The following ARHGAP42 variants were observed in gnomAD, a reference collection of about 807,000 sequenced individuals.
The protein encoded by ARHGAP42 is Rho GTPase activating protein 42, also known as rho GTPase-activating protein 42.
In ARHGAP42, 63 loss-of-function variants were observed where a neutral mutation model predicts 125.0. The observed-to-expected ratio is 0.50, with a 90% CI of 0.41 to 0.62. ARHGAP42 has a LOEUF of 0.62. ARHGAP42 is among the 20% of genes least tolerant of loss of function. The pLI is 0.00. For synonymous variants in ARHGAP42, 339 were observed against 351.0 expected, an observed-to-expected ratio of 0.97 and a Z score of 0.38; for missense variants, 766 against 1,024.2, an observed-to-expected ratio of 0.75 and a Z score of 3.44.
chr11:100,703,460 T>A (rs929272102), intron 1 of ARHGAP42, among the ~76,000 whole-genome samples: 2 of 152,218 alleles, frequency 1.3e-5, no homozygotes, highest in African/African-American at 4.8e-5. Context: ...AAGATTTAAC[T>A]TTAACAGTTT....
chr11:100,844,078 A>G (rs1456210587), intron 3 of ARHGAP42, among the ~76,000 whole-genome samples: 4 of 152,186 alleles, frequency 2.6e-5, no homozygotes, highest in African/African-American at 9.6e-5. Context: ...CCAAAATAGC[A>G]TGGTACTGGT....
At chr11:100,774,612 G>A (rs187438450) in intron 2 of ARHGAP42, among the ~76,000 whole-genome samples, 1 of 152,324 alleles carries the variant, frequency 6.6e-6, no homozygotes, top group East Asian at 1.9e-4. Flanking sequence ...GTGTAAGTTG[G>A]TGGTGGGAAT....
intron 4 of ARHGAP42, among the ~76,000 whole-genome samples, chr11:100,869,121 TGATAAAGTGGGGTTCACAGGGG>T (rs1865641293): frequency 6.6e-6 from 1 of 152,020 alleles, no homozygotes; most frequent in Non-Finnish European, 1.5e-5. Flanking sequence ...TTTTGAATAT[TGATAAAGTGGGGTTCACAGGGG>T]TACCTAGCAA....
rs535696963 is a variant in ARHGAP42, at chr11:100,775,093, A to G, written c.250+4655A>G. Among the ~76,000 whole-genome samples the G allele has an allele frequency of 3.9e-5, 6 of 152,216 alleles. No individual in the cohort carries two copies. In the East Asian group the frequency reaches 1.2e-3, roughly 29 times the overall value. ...ATTGCCCTCCCTTCTCTAAGGATAA[A>G]TGAGCTGCAGGTGAGCTTTGGCCTG... On this transcript the variant is annotated intron_variant, in intron 2 of 23. Transcript: ENST00000298815.
intron 3 of ARHGAP42, among the ~76,000 whole-genome samples, chr11:100,831,220 A>G (rs1864656136): frequency 6.6e-6 from 1 of 152,130 alleles, no homozygotes; most frequent in African/African-American, 2.4e-5. Context: ...TGTGATGATT[A>G]TACAGAGGAG....
chr11:100,931,576 C>T (rs1159428658), intron 6 of ARHGAP42, among the ~76,000 whole-genome samples: 1 of 152,074 alleles, frequency 6.6e-6, no homozygotes, highest in African/African-American at 2.4e-5. Context: ...AAAGTAGCAC[C>T]TGCTTTGTAT....
chr11:100,738,120 A>AT (rs36030166), intron 1 of ARHGAP42, among the ~76,000 whole-genome samples: 1 of 152,132 alleles, frequency 6.6e-6, no homozygotes, highest in Non-Finnish European at 1.5e-5. Context: ...GTAAGAAATG[A>AT]TTTTTTTCTG....
At chr11:100,758,624 A>G (rs1862629266) in intron 1 of ARHGAP42, among the ~76,000 whole-genome samples, 1 of 152,192 alleles carries the variant, frequency 6.6e-6, no homozygotes, top group African/African-American at 2.4e-5. Flanking sequence ...AATAAGTAAC[A>G]TGTCTTTCCA....
At chr11:100,924,332 C>T (rs1430888159) in intron 6 of ARHGAP42, among the ~76,000 whole-genome samples, 1 of 152,006 alleles carries the variant, frequency 6.6e-6, no homozygotes, top group Non-Finnish European at 1.5e-5. Flanking sequence ...GATCTTACTG[C>T]TTGTCATAAA....
chr11:100,793,996 T>C (rs922690198), intron 2 of ARHGAP42, among the ~76,000 whole-genome samples: 14 of 141,480 alleles, frequency 9.9e-5, no homozygotes, highest in Non-Finnish European at 1.3e-4. Context: ...GGTGGGAAGA[T>C]TGCTTGAGCC....
chr11:100,924,504 TA>T (rs987142746), intron 6 of ARHGAP42, among the ~76,000 whole-genome samples: 24 of 151,782 alleles, frequency 1.6e-4, no homozygotes, highest in African/African-American at 4.8e-4. Flanking sequence ...CCGTCTCTAC[TA>T]AAAATACAAA....
chr11:100,959,862 C>T (rs766699937), intron 12 of ARHGAP42, 21 bp from the exon 13 acceptor site: 31 of 1,549,628 alleles, frequency 2.0e-5, no homozygotes, highest in South Asian at 1.1e-4. Flanking sequence ...ACACCTAATG[C>T]GATTTCTCTC....
chr11:100,933,347 C>T lies in ARHGAP42; in HGVS notation c.702+87C>T, dbSNP rs917848702. On this transcript the variant is annotated intron_variant, in intron 7 of 23. Transcript: ENST00000298815. ...ACTAATTACAATTTTTTTCTAGCTGCTAGTGGAAAATACAACCCACAAAAC... is the reference window on the plus strand; with the variant it reads ...ACTAATTACAATTTTTTTCTAGCTGTTAGTGGAAAATACAACCCACAAAAC... 2.8e-5 allele frequency: 27 copies of T among 958,688 alleles called. No individual in the cohort carries two copies. The African/African-American group carries it at 3.2e-4, about 11-fold the overall frequency. 59.4% of individuals were successfully genotyped at this position (958,688 alleles called of 1,614,324 possible). A position where few individuals can be genotyped will look rare whatever the true frequency, so the allele number is the denominator to read the frequency against.
chr11:100,905,936 C>T (rs1866723523), intron 4 of ARHGAP42, among the ~76,000 whole-genome samples: 1 of 152,170 alleles, frequency 6.6e-6, no homozygotes, highest in South Asian at 2.1e-4. Context: ...AAGATGTTGC[C>T]ATGGCACTCT....
At chr11:100,728,579 A>C (rs1861900640) in intron 1 of ARHGAP42, among the ~76,000 whole-genome samples, 2 of 151,844 alleles carry the variant, frequency 1.3e-5, no homozygotes, top group Admixed American at 6.6e-5. Context: ...ATGCAATTGC[A>C]ATTGTTTACT....
chr11:100,808,704 C>G (rs931761741), intron 3 of ARHGAP42, among the ~76,000 whole-genome samples: 1 of 152,132 alleles, frequency 6.6e-6, no homozygotes, highest in Non-Finnish European at 1.5e-5. Context: ...CGCGCCCGGC[C>G]AAATTCACTC....
chr11:100,954,309 G>A (rs757030400), intron 12 of ARHGAP42, among the ~76,000 whole-genome samples: 2 of 152,134 alleles, frequency 1.3e-5, no homozygotes, highest in Non-Finnish European at 1.5e-5. Context: ...CAGGTACTGC[G>A]AGTAAGAAAA....
At chr11:100,824,287 C>T (rs1256880801) in intron 3 of ARHGAP42, among the ~76,000 whole-genome samples, 2 of 152,092 alleles carry the variant, frequency 1.3e-5, no homozygotes, top group Non-Finnish European at 2.9e-5. Flanking sequence ...GTGTGGTCTG[C>T]TCTTGGCCTT....
In ARHGAP42 at chr11:100,811,752, G is replaced by T. The variant is rs181014353; in HGVS notation, c.312+16586G>T. 9.9e-5 allele frequency among the ~76,000 whole-genome samples: 15 copies of T among 151,892 alleles called. No homozygotes were observed. In the East Asian group the frequency reaches 2.3e-3, roughly 24 times the overall value. On this transcript the variant is annotated intron_variant, in intron 3 of 23. Coordinates refer to ENST00000298815, the MANE Select transcript of ARHGAP42 (RefSeq NM_152432.4). Reference sequence around the variant, plus strand: ...TGACCTCAAGTGATCCGCCTGCCTCGGCCTCCCAAAGTGCTGGGATTATAG... The same window carrying T: ...TGACCTCAAGTGATCCGCCTGCCTCTGCCTCCCAAAGTGCTGGGATTATAG...
Sources: allele counts gnomAD v4.1 joint callset (sites outside exome capture counted in the v4.1 genomes callset), GRCh38; gene constraint gnomAD v4.1.1; transcripts MANE v1.5; gene names NCBI Gene and HGNC (gene_info 2026-07-23, HGNC 2026-07-21).